RIMKLA: variants seen among roughly 807,000 people sequenced by gnomAD.
RIMKLA encodes ribosomal modification protein rimK like family member A.
A neutral mutation model predicts 32.7 loss-of-function variants in RIMKLA; 14 were observed. The observed-to-expected ratio is 0.43, with a 90% CI of 0.28 to 0.67. The LOEUF (loss-of-function observed/expected upper bound fraction) is 0.67. Ranked by LOEUF, RIMKLA falls within the 30% of genes least tolerant of loss-of-function variation. RIMKLA has a pLI of 0.18. For synonymous variants in RIMKLA, 176 were observed against 204.1 expected (o/e 0.86, Z 1.18); for missense variants, 410 against 519.0 (o/e 0.79, Z 2.04).
intron 3 of RIMKLA, among the ~76,000 whole-genome samples, chr1:42,405,836 C>G (rs990900051): frequency 2.0e-5 from 3 of 152,116 alleles, no homozygotes; most frequent in Admixed American, 2.0e-4. Flanking sequence ...AAGCAGACTT[C>G]AGTGGATGTG....
At chr1:42,385,838 T>TTCTCTCTCCCTC (rs777027519) in intron 1 of RIMKLA, among the ~76,000 whole-genome samples, 1 of 69,490 alleles carries the variant, frequency 1.4e-5, no homozygotes, top group Non-Finnish European at 3.5e-5. Context: ...CTTTCTTTCT[T>TTCTCTCTCCCTC]TCTTTCTCTT....
intron 1 of RIMKLA, among the ~76,000 whole-genome samples, chr1:42,392,465 G>A (rs1276857660): frequency 9.2e-5 from 14 of 152,150 alleles, no homozygotes; most frequent in Admixed American, 2.0e-4. Context: ...AGAAGACAGT[G>A]CTTGTTCCTT....
rs1643309963 is a variant in RIMKLA, at chr1:42,423,331, CA to C, written c.*8361del. Among the ~76,000 whole-genome samples, 1 of 152,168 alleles carries C rather than the reference CA, an allele frequency of 6.6e-6. No individual in the cohort carries two copies. Among genetic ancestry groups the C allele is most frequent in the Non-Finnish European group, 1.5e-5 (1 of 68,032 alleles). On this transcript the variant is annotated 3_prime_UTR_variant, in exon 5 of 5. Transcript: ENST00000431473. ...CTTACATGAAAATCGTCAAACTACA[CA>C]AAAGTGGAGAGAATAGTAAACTCCC... is the stretch of plus-strand genomic sequence containing the variant.
At chr1:42,390,801 G>A (rs1299010541) in intron 1 of RIMKLA, among the ~76,000 whole-genome samples, 4 of 152,210 alleles carry the variant, frequency 2.6e-5, no homozygotes, top group South Asian at 4.1e-4. Flanking sequence ...GCAGGTTTGT[G>A]TATTTTCCCT....
Position 42,399,454 on chromosome 1 carries a change from G to T in RIMKLA, c.214G>T (p.Val72Leu). 6.2e-7 allele frequency: 1 copy of T among 1,613,178 alleles called. No individual in the cohort carries two copies. The highest frequency in any genetic ancestry group is 1.1e-5 in the South Asian group (1 of 90,718). ...ALTTFPDVVL[V>L]RVPTPSVQSD... ...CACCACTTTCCCGGATGTGGTGCTT[G>T]TACGGGTACCCACACCCTCAGTGCA... Residue 72 changes from valine to leucine, a missense_variant, in exon 2 of 5, where the codon GTA becomes TTA. By Grantham distance (32) the Val-to-Leu change is conservative. Transcript: ENST00000431473.
At chr1:42,381,191 G>GTC in intron 1 of RIMKLA, 94 bp downstream of exon 1, 1 of 982,028 alleles carries the variant, frequency 1.0e-6, no homozygotes, top group Non-Finnish European at 1.3e-6. Context: ...CCGCAGCAGA[G>GTC]TCTCCTTCGG....
At chr1:42,414,419 C>T (rs1643227802) in intron 4 of RIMKLA, 65 bp from the exon 5 acceptor site, 2 of 1,552,932 alleles carry the variant, frequency 1.3e-6, no homozygotes, top group East Asian at 4.5e-5. Flanking sequence ...AGATCCCTGT[C>T]TCTTCTTTGA....
chr1:42,416,993 C>T lies in RIMKLA; in HGVS notation c.*2019C>T, dbSNP rs916552430. The T allele has an allele frequency of 4.6e-5, 7 of 152,158 alleles. No homozygotes were observed. Among genetic ancestry groups the T allele is most frequent in the African/African-American group, 1.7e-4 (7 of 41,442 alleles). 9.4% of individuals were successfully genotyped at this position (152,158 alleles called of 1,614,324 possible). A position where few individuals can be genotyped will look rare whatever the true frequency, so the allele number is the denominator to read the frequency against. The stretch of plus-strand genomic sequence containing the variant: ...ACCTTTATATAGGTTAAGATATGTA[C>T]CTTATCTTTACCACTCAGGGTGGCT... On this transcript the variant is annotated 3_prime_UTR_variant, in exon 5 of 5. Coordinates refer to ENST00000431473, the MANE Select transcript of RIMKLA (RefSeq NM_173642.4).
At chr1:42,397,301 G>A (rs1347529024) in intron 1 of RIMKLA, among the ~76,000 whole-genome samples, 2 of 152,110 alleles carry the variant, frequency 1.3e-5, no homozygotes, top group Non-Finnish European at 2.9e-5. Flanking sequence ...ATCACCTGGT[G>A]GAGAAATTGT....
At chr1:42,409,181 G>A (rs1457328532) in intron 3 of RIMKLA, among the ~76,000 whole-genome samples, 1 of 116,304 alleles carries the variant, frequency 8.6e-6, no homozygotes, top group African/African-American at 3.4e-5. Context: ...TAGCCTGGGT[G>A]ACAGAGCGAG....
intron 1 of RIMKLA, among the ~76,000 whole-genome samples, chr1:42,384,587 G>A (rs1458408830): frequency 7.3e-6 from 1 of 136,730 alleles, no homozygotes; most frequent in Non-Finnish European, 1.5e-5. Flanking sequence ...ATATATGTGT[G>A]TATATATGTA....
At chr1:42,390,513 C>T (rs1297856275) in intron 1 of RIMKLA, among the ~76,000 whole-genome samples, 2 of 152,106 alleles carry the variant, frequency 1.3e-5, no homozygotes, top group Admixed American at 6.5e-5. Context: ...TTGGTCTAAG[C>T]TAGGAGTAAG....
intron 3 of RIMKLA, among the ~76,000 whole-genome samples, chr1:42,409,060 T>G (rs184703954): frequency 4.2e-4 from 64 of 151,482 alleles, no homozygotes; most frequent in African/African-American, 1.4e-3. Flanking sequence ...ATACAAAAAT[T>G]TGCTAGGCAT....
intron 1 of RIMKLA, among the ~76,000 whole-genome samples, chr1:42,399,116 A>G (rs1398886876): frequency 1.3e-5 from 2 of 151,980 alleles, no homozygotes; most frequent in Admixed American, 6.6e-5. Context: ...TACTTGTCCT[A>G]TGGGAAGGAA....
intron 1 of RIMKLA, among the ~76,000 whole-genome samples, chr1:42,385,783 G>GTTTCTTTC (rs1402115179): frequency 1.3e-5 from 1 of 76,680 alleles, no homozygotes; most frequent in Non-Finnish European, 2.8e-5. Flanking sequence ...TTCTTTGTTT[G>GTTTCTTTC]TTTGTTTCTT....
At chr1:42,390,016 AT>A (rs1642986832) in intron 1 of RIMKLA, among the ~76,000 whole-genome samples, 2 of 149,206 alleles carry the variant, frequency 1.3e-5, no homozygotes, top group South Asian at 4.3e-4. Flanking sequence ...TTGAGACAGG[AT>A]TCAGAGGATT....
In RIMKLA at chr1:42,415,054, T is replaced by G; in HGVS notation, c.*80T>G. 1 of 1,394,966 alleles carries G rather than the reference T, an allele frequency of 7.2e-7. No homozygotes were observed. The highest frequency in any genetic ancestry group is 1.4e-5 in the South Asian group (1 of 71,598). The allele number at this position is 1,394,966 out of a possible 1,614,324, so 86.4% of individuals were successfully genotyped here. On this transcript the variant is annotated 3_prime_UTR_variant, in exon 5 of 5. Coordinates refer to ENST00000431473, the MANE Select transcript of RIMKLA (RefSeq NM_173642.4). ...TGAGTGAATAAAATCTGGACTAATG[T>G]GATTTCATTTGCACAGAAACTAGAA...
At chr1:42,387,058 C>T (rs1642955606) in intron 1 of RIMKLA, among the ~76,000 whole-genome samples, 2 of 146,864 alleles carry the variant, frequency 1.4e-5, no homozygotes, top group Non-Finnish European at 3.0e-5. Flanking sequence ...CACAGTGAGA[C>T]TCCATCTCAA....
chr1:42,414,364 C>G (rs188423367), intron 4 of RIMKLA, 120 bp from the exon 5 acceptor site: 10 of 1,051,404 alleles, frequency 9.5e-6, no homozygotes, highest in African/African-American at 1.6e-5. Context: ...CCATCCAGAC[C>G]TTTTGTGATT....
Sources: allele counts gnomAD v4.1 joint callset (sites outside exome capture counted in the v4.1 genomes callset), GRCh38; gene constraint gnomAD v4.1.1; transcripts MANE v1.5; gene names NCBI Gene and HGNC (gene_info 2026-07-23, HGNC 2026-07-21).